RALGAPA1: variants seen among roughly 807,000 people sequenced by gnomAD.
RALGAPA1 encodes Ral GTPase activating protein catalytic subunit alpha 1, also known as ral GTPase-activating protein subunit alpha-1.
A neutral mutation model predicts 269.6 loss-of-function variants in RALGAPA1; 52 were observed. The observed-to-expected ratio is 0.19, with a 90% CI of 0.15 to 0.24. RALGAPA1 has a LOEUF of 0.24. Among genes scored for constraint, RALGAPA1 ranks in the 10% least tolerant of loss-of-function variants. RALGAPA1 has a pLI of 1.00. For missense variants in RALGAPA1, 1,917 were observed against 3,013.9 expected (o/e 0.64, Z 8.52); for synonymous variants, 817 against 1,008.3 (o/e 0.81, Z 3.60).
At chr14:35,709,938 T>G (rs1461620014) in intron 16 of RALGAPA1, among the ~76,000 whole-genome samples, 1 of 152,224 alleles carries the variant, frequency 6.6e-6, no homozygotes, top group African/African-American at 2.4e-5. Context: ...TTAAGGCATG[T>G]TTTATGACCC....
chr14:35,735,247 A>G (rs944419583), intron 12 of RALGAPA1, among the ~76,000 whole-genome samples: 4 of 152,222 alleles, frequency 2.6e-5, no homozygotes, highest in African/African-American at 9.7e-5. Flanking sequence ...ATTATATGAA[A>G]AAGATACTTG....
At chr14:35,804,830 G>A (rs897653652) in intron 1 of RALGAPA1, among the ~76,000 whole-genome samples, 7 of 152,054 alleles carry the variant, frequency 4.6e-5, no homozygotes, top group African/African-American at 1.7e-4. Flanking sequence ...TAGGGAGGTA[G>A]AGGAAGGAGG....
At chr14:35,732,597 G>A (rs1025448504) in intron 12 of RALGAPA1, among the ~76,000 whole-genome samples, 2 of 152,202 alleles carry the variant, frequency 1.3e-5, no homozygotes, top group Non-Finnish European at 2.9e-5. Context: ...AACAGGGGTA[G>A]CAATTCTTGT....
intron 26 of RALGAPA1, among the ~76,000 whole-genome samples, chr14:35,670,214 T>A (rs1046020407): frequency 6.6e-6 from 1 of 152,230 alleles, no homozygotes; most frequent in Non-Finnish European, 1.5e-5. Flanking sequence ...CACATCTTAC[T>A]AGGCCCCAAA....
At chr14:35,641,854 C>T (rs2062051425) in intron 31 of RALGAPA1, among the ~76,000 whole-genome samples, 1 of 152,132 alleles carries the variant, frequency 6.6e-6, no homozygotes, top group Admixed American at 6.5e-5. Context: ...AATAATACTA[C>T]AGAGCCATAA....
chr14:35,627,977 G>A, intron 33 of RALGAPA1, 26 bp from the exon 34 acceptor site: 2 of 1,531,046 alleles, frequency 1.3e-6, no homozygotes, highest in Non-Finnish European at 1.8e-6. Context: ...ATAAATGAAT[G>A]GGAATATTGC....
At chr14:35,549,046 G>C in intron 40 of RALGAPA1, 64 bp downstream of exon 40, 3 of 1,549,346 alleles carry the variant, frequency 1.9e-6, no homozygotes, top group Non-Finnish European at 1.7e-6. Context: ...CAAGTTTTTA[G>C]AACAAAAGGG....
chr14:35,673,412 C>T (rs1348801356), intron 24 of RALGAPA1, among the ~76,000 whole-genome samples: 3 of 151,970 alleles, frequency 2.0e-5, no homozygotes, highest in East Asian at 3.9e-4. Flanking sequence ...AAAAATTAGC[C>T]AGGCACGGTG....
At chr14:35,664,856 A>C in intron 26 of RALGAPA1, 89 bp from the exon 27 acceptor site, 1 of 1,208,766 alleles carries the variant, frequency 8.3e-7, no homozygotes, top group Non-Finnish European at 1.2e-6. Flanking sequence ...TACATTAGAC[A>C]GGGAAGTGAT....
intron 31 of RALGAPA1, among the ~76,000 whole-genome samples, chr14:35,650,517 T>C (rs1336193495): frequency 2.6e-5 from 4 of 152,038 alleles, no homozygotes; most frequent in Non-Finnish European, 5.9e-5. Context: ...TTAAACTGAA[T>C]ATGAAGGGAA....
intron 39 of RALGAPA1, among the ~76,000 whole-genome samples, chr14:35,560,236 T>C (rs2056075367): frequency 6.6e-6 from 1 of 152,174 alleles, no homozygotes; most frequent in South Asian, 2.1e-4. Flanking sequence ...AAACCACATT[T>C]ATGTTTATTT....
At chr14:35,575,842 C>T (rs1222848296) in intron 37 of RALGAPA1, among the ~76,000 whole-genome samples, 1 of 152,160 alleles carries the variant, frequency 6.6e-6, no homozygotes, top group Admixed American at 6.5e-5. Flanking sequence ...GATCCACCTG[C>T]CTCAGCCTCC....
chr14:35,657,689 A>AAGCAACATATATATATATT (rs2063281994), intron 28 of RALGAPA1, among the ~76,000 whole-genome samples: 14 of 145,294 alleles, frequency 9.6e-5, no homozygotes, highest in Non-Finnish European at 1.8e-4. Flanking sequence ...ATATATATAT[A>AAGCAACATATATATATATT]TTTTTTTTTT....
At chr14:35,788,246 C>A (rs1445653168) in intron 1 of RALGAPA1, among the ~76,000 whole-genome samples, 1 of 152,112 alleles carries the variant, frequency 6.6e-6, no homozygotes, top group Non-Finnish European at 1.5e-5. Context: ...GCTAGGATTA[C>A]AAGCTTCAGC....
intron 17 of RALGAPA1, among the ~76,000 whole-genome samples, chr14:35,699,806 T>G (rs576570825): frequency 6.6e-6 from 1 of 151,726 alleles, no homozygotes; most frequent in African/African-American, 2.4e-5. Context: ...CTGATTATCT[T>G]CCTAAGTCAT....
At chr14:35,626,776 G>A (rs1234567615) in intron 34 of RALGAPA1, among the ~76,000 whole-genome samples, 4 of 151,692 alleles carry the variant, frequency 2.6e-5, no homozygotes, top group East Asian at 1.9e-4. Context: ...GATTCAAACC[G>A]GAAATAATCA....
In RALGAPA1 at chr14:35,559,837, T is replaced by C. The variant is rs972674314; in HGVS notation, c.7497-10603A>G. Among the ~76,000 whole-genome samples the C allele has an allele frequency of 9.2e-5, 14 of 152,220 alleles. 1 individual carries two copies. The highest frequency in any genetic ancestry group is 1.6e-4 in the Non-Finnish European group (11 of 68,032). On this transcript the variant is annotated intron_variant, in intron 39 of 41. Transcript: ENST00000680220. ...ATAATGTGTAAAAACTCAATAATTG[T>C]ATAAAAGTATCTCATAGGAAAAGTG... is the stretch of plus-strand genomic sequence containing the variant.
intron 39 of RALGAPA1, among the ~76,000 whole-genome samples, chr14:35,554,054 T>G (rs2139175401): frequency 6.6e-6 from 1 of 152,314 alleles, no homozygotes; most frequent in South Asian, 2.1e-4. Context: ...GTTCCAATAG[T>G]TACTTAGAAA....
intron 4 of RALGAPA1, among the ~76,000 whole-genome samples, chr14:35,764,591 G>A (rs1351740638): frequency 2.0e-5 from 3 of 151,872 alleles, no homozygotes; most frequent in Non-Finnish European, 4.4e-5. Context: ...TGTCACCCAG[G>A]CTAGAGTGCA....
Sources: gnomAD v4.1 joint callset for allele counts (sites outside exome capture counted in the v4.1 genomes callset) on GRCh38, gnomAD v4.1.1 for gene constraint, MANE v1.5 for transcripts, NCBI Gene and HGNC (gene_info 2026-07-23, HGNC 2026-07-21) for gene names.